Variants in COL22A1 observed in about 807,000 individuals in gnomAD.
The protein encoded by COL22A1 is collagen alpha-1(XXII) chain.
COL22A1 carries 221 observed loss-of-function variants against 248.9 expected under a neutral mutation model. The ratio of observed to expected loss-of-function variants is 0.89; its 90% confidence interval spans 0.80 to 0.99. COL22A1 has a LOEUF of 0.99. COL22A1 is among the 50% of genes least tolerant of loss of function. COL22A1 has a pLI of 0.00. For synonymous variants in COL22A1, 891 were observed against 793.4 expected (o/e 1.12, Z -2.07); for missense variants, 2,240 against 2,179.0 (o/e 1.03, Z -0.56).
chr8:138,865,460 G>A (rs183983928), intron 3 of COL22A1, among the ~76,000 whole-genome samples: 16 of 150,902 alleles, frequency 1.1e-4, no homozygotes, highest in African/African-American at 1.5e-4. Context: ...GTGTGTGAGT[G>A]TATGTGTGTA....
intron 30 of COL22A1, among the ~76,000 whole-genome samples, chr8:138,714,227 A>AGG: frequency 6.6e-6 from 1 of 152,252 alleles, no homozygotes; most frequent in South Asian, 2.1e-4. Context: ...TCTGTAGGTT[A>AGG]GGCGTGTATC....
At chr8:138,842,513 T>C (rs1041418376) in intron 4 of COL22A1, among the ~76,000 whole-genome samples, 1 of 152,138 alleles carries the variant, frequency 6.6e-6, no homozygotes, top group African/African-American at 2.4e-5. Context: ...CGCAGACACA[T>C]TCACACTCCA....
intron 47 of COL22A1, among the ~76,000 whole-genome samples, chr8:138,641,616 A>G (rs2130446214): frequency 6.6e-6 from 1 of 152,300 alleles, no homozygotes; most frequent in Non-Finnish European, 1.5e-5. Flanking sequence ...GGAGCTCTGT[A>G]GTTGACCGTG....
chr8:138,609,293 G>T (rs1446758197), intron 56 of COL22A1, among the ~76,000 whole-genome samples: 1 of 152,166 alleles, frequency 6.6e-6, no homozygotes, highest in African/African-American at 2.4e-5. Context: ...TCTGAACATA[G>T]GCAGCACTGA....
chr8:138,708,857 A>C (rs1481916249), intron 30 of COL22A1, among the ~76,000 whole-genome samples: 1 of 152,248 alleles, frequency 6.6e-6, no homozygotes, highest in African/African-American at 2.4e-5. Context: ...GGCAACCTAC[A>C]GAATGGGAGA....
intron 63 of COL22A1, among the ~76,000 whole-genome samples, chr8:138,592,771 G>A (rs1397657346): frequency 2.6e-5 from 4 of 152,064 alleles, no homozygotes; most frequent in Admixed American, 1.3e-4. Context: ...CTGGTCTCCT[G>A]TCTTTTATCT....
chr8:138,693,536 G>A, intron 35 of COL22A1, 110 bp downstream of exon 35: 1 of 1,164,356 alleles, frequency 8.6e-7, no homozygotes, highest in Non-Finnish European at 1.2e-6. Flanking sequence ...AACCTTCTGG[G>A]CCACGTCCTC....
chr8:138,668,660 C>T (rs1343949375), intron 41 of COL22A1, among the ~76,000 whole-genome samples: 1 of 152,186 alleles, frequency 6.6e-6, no homozygotes, highest in Non-Finnish European at 1.5e-5. Flanking sequence ...ATAAAGTGAA[C>T]TTTTATTCTC....
At chr8:138,691,804 ACGTGTGTG>A (rs1826955543) in intron 35 of COL22A1, among the ~76,000 whole-genome samples, 1 of 49,146 alleles carries the variant, frequency 2.0e-5, no homozygotes, top group African/African-American at 8.4e-5. Flanking sequence ...GTGTGTGTGT[ACGTGTGTG>A]TGCATGTTTG....
intron 12 of COL22A1, among the ~76,000 whole-genome samples, chr8:138,785,016 C>T (rs1052447526): frequency 5.9e-5 from 9 of 152,206 alleles, no homozygotes; most frequent in East Asian, 1.9e-4. Context: ...ACCCTACCTT[C>T]GGGCACACTG....
chr8:138,717,968 T>C (rs987047878), intron 27 of COL22A1, among the ~76,000 whole-genome samples: 1 of 152,176 alleles, frequency 6.6e-6, no homozygotes, highest in African/African-American at 2.4e-5. Flanking sequence ...TTAGTGTAGA[T>C]TTTAATAAGG....
chr8:138,773,204 A>T (rs1834536286), intron 16 of COL22A1, among the ~76,000 whole-genome samples: 2 of 152,226 alleles, frequency 1.3e-5, no homozygotes, highest in Admixed American at 1.3e-4. Context: ...CGGAACCACC[A>T]CAGGCCCCTG....
In COL22A1 at chr8:138,676,413, A is replaced by AAAAGAAAGAAAGAAAGAAAGAAAGAAAG. The variant is rs36160519; in HGVS notation, c.3150+117_3150+144dup. 3.5e-3 allele frequency: 1,150 copies of AAAAGAAAGAAAGAAAGAAAGAAAGAAAG among 325,088 alleles called. 8 individuals carry two copies. Among genetic ancestry groups the AAAAGAAAGAAAGAAAGAAAGAAAGAAAG allele is most frequent in the South Asian group, 4.9e-3 (112 of 22,864 alleles). 20.1% of individuals were successfully genotyped at this position (325,088 alleles called of 1,614,324 possible). A position where few individuals can be genotyped will look rare whatever the true frequency, so the allele number is the denominator to read the frequency against. ...TCCATCTCAAAAAAAAAAAGAAAGA[A>AAAAGAAAGAAAGAAAGAAAGAAAGAAAG]AAAGAAAGAAAGAAAGAAAGAAAGA... On this transcript the variant is annotated intron_variant, in intron 41 of 64. Coordinates refer to ENST00000303045, the MANE Select transcript of COL22A1 (RefSeq NM_152888.3).
chr8:138,784,542 T>A (rs1795460818), intron 12 of COL22A1, among the ~76,000 whole-genome samples: 1 of 152,116 alleles, frequency 6.6e-6, no homozygotes, highest in Admixed American at 6.5e-5. Context: ...TTGAAAGAGG[T>A]AACCAGTACA....
At chr8:138,683,049 G>A (rs545421818) in intron 39 of COL22A1, among the ~76,000 whole-genome samples, 1 of 152,280 alleles carries the variant, frequency 6.6e-6, no homozygotes, top group South Asian at 2.1e-4. Context: ...AAGAAGCCAT[G>A]GTAATGAAAC....
chr8:138,826,649 T>G lies in COL22A1; in HGVS notation c.969+9A>C. ...AGGACCACTGAGATAAGGCATCTGC[T>G]GCCCTTACCTGTGGGATGCTGTACT... On this transcript the variant is annotated intron_variant, in intron 6 of 64. Transcript: ENST00000303045. 6.2e-7 allele frequency: 1 copy of G among 1,613,582 alleles called. No homozygotes were observed. Among genetic ancestry groups the G allele is most frequent in the Non-Finnish European group, 8.5e-7 (1 of 1,179,652 alleles).
chr8:138,807,691 A>C, intron 10 of COL22A1, 77 bp downstream of exon 10: 7 of 1,369,666 alleles, frequency 5.1e-6, no homozygotes, highest in Non-Finnish European at 7.2e-6. Flanking sequence ...CCCACACACC[A>C]TCTTTTGTCT....
At chr8:138,806,066 G>GTGTATGAT (rs1337663402) in intron 10 of COL22A1, among the ~76,000 whole-genome samples, 1 of 1,824 alleles carries the variant, frequency 5.5e-4, no homozygotes, top group African/African-American at 2.1e-3. Context: ...GTGTGTGGTG[G>GTGTATGAT]TGTGTGTGAT....
intron 30 of COL22A1, among the ~76,000 whole-genome samples, chr8:138,708,052 T>A (rs1282684135): frequency 6.6e-6 from 1 of 152,056 alleles, no homozygotes; most frequent in Non-Finnish European, 1.5e-5. Flanking sequence ...TCAAAGAGAA[T>A]AAAATACCTA....
Sources: allele counts gnomAD v4.1 joint callset (sites outside exome capture counted in the v4.1 genomes callset), GRCh38; gene constraint gnomAD v4.1.1; transcripts MANE v1.5; gene names NCBI Gene and HGNC (gene_info 2026-07-23, HGNC 2026-07-21).